Variants in TUBGCP3 observed in about 807,000 individuals in gnomAD.
TUBGCP3 encodes the protein tubulin gamma complex component 3.
TUBGCP3 carries 50 observed loss-of-function variants against 123.1 expected under a neutral mutation model. The observed-to-expected ratio is 0.41, with a 90% CI of 0.32 to 0.51. The LOEUF (loss-of-function observed/expected upper bound fraction) is 0.51. Ranked by LOEUF, TUBGCP3 falls within the 20% of genes least tolerant of loss-of-function variation. TUBGCP3 has a pLI of 0.36. For synonymous variants in TUBGCP3, 405 were observed against 413.9 expected (o/e 0.98, Z 0.26); for missense variants, 882 against 1,127.0 (o/e 0.78, Z 3.11).
chr13:112,572,246 G>A (rs1311560572), intron 1 of TUBGCP3, among the ~76,000 whole-genome samples: 2 of 152,146 alleles, frequency 1.3e-5, no homozygotes, highest in Non-Finnish European at 2.9e-5. Flanking sequence ...CATTTCACTT[G>A]AACACTAATT....
chr13:112,585,800 G>A (rs1224854623), intron 1 of TUBGCP3, among the ~76,000 whole-genome samples: 3 of 151,938 alleles, frequency 2.0e-5, no homozygotes, highest in African/African-American at 7.3e-5. Context: ...TTTATTCAGA[G>A]AGGACCCTGT....
chr13:112,528,722 A>G (rs1877328930), intron 11 of TUBGCP3, among the ~76,000 whole-genome samples: 1 of 152,202 alleles, frequency 6.6e-6, no homozygotes, highest in Non-Finnish European at 1.5e-5. Flanking sequence ...TTATATGTAG[A>G]TAAATGTCAG....
chr13:112,521,923 AT>A, intron 14 of TUBGCP3: 2 of 799,578 alleles, frequency 2.5e-6, no homozygotes, highest in Non-Finnish European at 3.0e-6. Flanking sequence ...TCATAGTTTC[AT>A]TTTTAGGTGA....
chr13:112,537,127 CTTTTT>C (rs58140098), intron 11 of TUBGCP3, among the ~76,000 whole-genome samples: 1 of 78,126 alleles, frequency 1.3e-5, no homozygotes, highest in African/African-American at 4.8e-5. Context: ...TACCTTTTTC[CTTTTT>C]TTTTTTTTTT....
upstream of TUBGCP3, among the ~76,000 whole-genome samples, chr13:112,589,143 G>A (rs866963219): frequency 1.5e-4 from 23 of 152,284 alleles, no homozygotes; most frequent in Middle Eastern, 3.4e-3. Context: ...CCTTCGATAC[G>A]CATTCTGTGG....
chr13:112,585,263 CA>C (rs1882529161), intron 1 of TUBGCP3, among the ~76,000 whole-genome samples: 1 of 152,180 alleles, frequency 6.6e-6, no homozygotes, highest in Non-Finnish European at 1.5e-5. Context: ...AAATTTTTAA[CA>C]CCAAATATTG....
At chr13:112,587,623 C>CCCTCCCG (rs1459667835) in intron 1 of TUBGCP3, among the ~76,000 whole-genome samples, 15 of 152,176 alleles carry the variant, frequency 9.9e-5, no homozygotes, top group African/African-American at 2.2e-4. Flanking sequence ...CTCGGCTCCG[C>CCCTCCCG]CCTCCCGCCT....
chr13:112,604,626 A>T, the TUBGCP3 span: 3 of 152,212 alleles, frequency 2.0e-5, no homozygotes, highest in Admixed American at 1.3e-4. Context: ...ATTGGCAAAA[A>T]TAAGTTTTTT....
At chr13:112,536,013 T>A (rs1445836805) in intron 11 of TUBGCP3, among the ~76,000 whole-genome samples, 1 of 152,250 alleles carries the variant, frequency 6.6e-6, no homozygotes, top group Non-Finnish European at 1.5e-5. Flanking sequence ...ATTTGCTGAA[T>A]ACGCTTTTTA....
chr13:112,579,556 C>A (rs1286179556), intron 1 of TUBGCP3, among the ~76,000 whole-genome samples: 2 of 132,780 alleles, frequency 1.5e-5, no homozygotes, highest in Non-Finnish European at 3.2e-5. Flanking sequence ...TGCTGAGTGC[C>A]GGGGGGCCAC....
chr13:112,505,991 GACAGTGATAT>G (rs1881281397), intron 17 of TUBGCP3, among the ~76,000 whole-genome samples: 1 of 152,154 alleles, frequency 6.6e-6, no homozygotes, highest in Admixed American at 6.5e-5. Flanking sequence ...TTGTAAAGCA[GACAGTGATAT>G]ACATTATATA....
chr13:112,514,622 G>A lies in TUBGCP3; in HGVS notation c.2086+1818C>T, dbSNP rs574052237. The stretch of plus-strand genomic sequence containing the variant: ...TTAATAGCCAATGTTAACAAAAACA[G>A]TGATACAGACAACTATCAACAATAC... On this transcript the variant is annotated intron_variant, in intron 17 of 21. Transcript: ENST00000261965. 3.3e-5 allele frequency among the ~76,000 whole-genome samples: 5 copies of A among 152,306 alleles called. No individual in the cohort carries two copies. The South Asian group carries it at 8.3e-4, about 25-fold the overall frequency.
intron 11 of TUBGCP3, among the ~76,000 whole-genome samples, chr13:112,529,300 T>G (rs898641288): frequency 1.3e-5 from 2 of 152,364 alleles, no homozygotes; most frequent in African/African-American, 4.8e-5. Context: ...CATCCTTTCC[T>G]CTGAGCTAAG....
At chr13:112,515,067 T>C (rs1875990921) in intron 17 of TUBGCP3, among the ~76,000 whole-genome samples, 1 of 152,332 alleles carries the variant, frequency 6.6e-6, no homozygotes, top group African/African-American at 2.4e-5. Flanking sequence ...TAATAAAATA[T>C]GCATTTTCCC....
At position 112,545,655 on chromosome 13, in the gene TUBGCP3, A is replaced by G. The variant is rs201179561; in HGVS notation, c.1335+44T>C. 1.0e-5 allele frequency: 16 copies of G among 1,598,482 alleles called. No individual in the cohort carries two copies. In the Admixed American group the frequency reaches 1.3e-4, roughly 13 times the overall value. ...AATGAAACAGCATAACTGCGTGCCC[A>G]TGCTTTTTAAATCCAAGTCTCAGAA... On this transcript the variant is annotated intron_variant, in intron 11 of 21. Transcript: ENST00000261965. This position sits in a 1 kb window ranked among gnomAD's most constrained non-coding sequence, Gnocchi z 4.1.
chr13:112,527,876 C>G (rs1877263226), intron 11 of TUBGCP3, among the ~76,000 whole-genome samples: 1 of 152,208 alleles, frequency 6.6e-6, no homozygotes, highest in Admixed American at 6.5e-5. Context: ...CCCTTGCAGT[C>G]TCTCTTTTGC....
intron 18 of TUBGCP3, 60 bp downstream of exon 18, chr13:112,504,566 C>T (rs1881159164): frequency 8.8e-7 from 1 of 1,135,088 alleles, no homozygotes; most frequent in Non-Finnish European, 1.3e-6. Flanking sequence ...ATATATATAC[C>T]ATGTAAAAGC....
chr13:112,578,362 A>G (rs1043306834), intron 1 of TUBGCP3, among the ~76,000 whole-genome samples: 5 of 151,266 alleles, frequency 3.3e-5, no homozygotes, highest in African/African-American at 1.2e-4. Flanking sequence ...GATCGAGACC[A>G]TCCTGGCTAA....
chr13:112,535,926 T>C (rs1394891767), intron 11 of TUBGCP3, among the ~76,000 whole-genome samples: 1 of 152,242 alleles, frequency 6.6e-6, no homozygotes, highest in African/African-American at 2.4e-5. Context: ...CTGATCCATT[T>C]TGAGTTAATC....
Sources: allele counts gnomAD v4.1 joint callset (sites outside exome capture counted in the v4.1 genomes callset), GRCh38; gene constraint gnomAD v4.1.1; non-coding constraint Gnocchi (gnomAD v3.1); transcripts MANE v1.5; gene names NCBI Gene and HGNC (gene_info 2026-07-23, HGNC 2026-07-21).